AFF1: variants seen among roughly 807,000 people sequenced by gnomAD.
The protein encoded by AFF1 is AF4/FMR2 family member 1.
In AFF1, 48 loss-of-function variants were observed where a neutral mutation model predicts 121.7. The observed-to-expected ratio is 0.39, with a 90% CI of 0.31 to 0.50. The LOEUF is 0.50. Among genes scored for constraint, AFF1 ranks in the 20% least tolerant of loss-of-function variants. The pLI, the probability that AFF1 is intolerant of heterozygous loss-of-function variation, is 0.76. For synonymous variants in AFF1, 613 were observed against 563.0 expected (o/e 1.09, Z -1.26); for missense variants, 1,523 against 1,511.7 (o/e 1.01, Z -0.12).
chr4:87,015,219 C>G (rs1349034547), intron 2 of AFF1, among the ~76,000 whole-genome samples: 2 of 152,108 alleles, frequency 1.3e-5, no homozygotes, highest in Non-Finnish European at 2.9e-5. Context: ...TTTCCTGTTA[C>G]TCATTTACAG....
At chr4:86,962,540 T>G (rs1198224362) in intron 2 of AFF1, among the ~76,000 whole-genome samples, 1 of 152,196 alleles carries the variant, frequency 6.6e-6, no homozygotes, top group African/African-American at 2.4e-5. Context: ...AATTTGAACT[T>G]CATGATGTTC....
At chr4:86,949,177 TA>T (rs199528472) in intron 2 of AFF1, among the ~76,000 whole-genome samples, 325 of 102,932 alleles carry the variant, frequency 3.2e-3, no homozygotes, top group South Asian at 0.01. Context: ...TATATATATA[TA>T]TATTTTTTTT....
chr4:87,091,638 T>C (rs1280415797), intron 6 of AFF1, among the ~76,000 whole-genome samples, 155 bp from the exon 7 acceptor site: 1 of 152,234 alleles, frequency 6.6e-6, no homozygotes, highest in Non-Finnish European at 1.5e-5. Flanking sequence ...GAATCTGTGA[T>C]GGGTAGTATG....
chr4:86,951,232 A>G lies in AFF1; in HGVS notation c.38+2661A>G, dbSNP rs529879532. On this transcript the variant is annotated intron_variant, in intron 2 of 20. Transcript: ENST00000395146. ...AGGCTTTCTAATTCAGAACTTCCCA[A>G]TTGGTGTGCCATCAAATGCTTTTCA... Among the ~76,000 whole-genome samples the G allele has an allele frequency of 9.9e-5, 15 of 152,264 alleles. No individual in the cohort carries two copies. In the South Asian group the frequency reaches 2.7e-3, roughly 27 times the overall value.
chr4:86,953,633 T>C (rs1005357571), intron 2 of AFF1, among the ~76,000 whole-genome samples: 19 of 152,236 alleles, frequency 1.2e-4, no homozygotes, highest in African/African-American at 4.6e-4. Flanking sequence ...TCCCCCTTTT[T>C]AATAGTTCTT....
At chr4:87,077,145 G>A (rs1021960652) in intron 4 of AFF1, among the ~76,000 whole-genome samples, 2 of 152,182 alleles carry the variant, frequency 1.3e-5, no homozygotes, top group Non-Finnish European at 2.9e-5. Flanking sequence ...AAAGGAGAGC[G>A]AGAATAAAAA....
At chr4:87,077,014 C>G (rs1722736837) in intron 4 of AFF1, among the ~76,000 whole-genome samples, 1 of 152,194 alleles carries the variant, frequency 6.6e-6, no homozygotes, top group Non-Finnish European at 1.5e-5. Flanking sequence ...CATATAAATG[C>G]ATGTATTTAT....
intron 2 of AFF1, among the ~76,000 whole-genome samples, chr4:86,951,599 T>TTTA: frequency 7.1e-6 from 1 of 141,018 alleles, no homozygotes; most frequent in African/African-American, 2.7e-5. Flanking sequence ...GGAACTTTTT[T>TTTA]TTCTTTTTCT....
At chr4:86,990,726 G>A (rs1724634268) in intron 2 of AFF1, among the ~76,000 whole-genome samples, 1 of 152,206 alleles carries the variant, frequency 6.6e-6, no homozygotes, top group South Asian at 2.1e-4. Context: ...CAAATGGTGT[G>A]TTTCCCAGGA....
intron 4 of AFF1, among the ~76,000 whole-genome samples, chr4:87,051,920 G>A (rs978147310): frequency 5.3e-5 from 8 of 152,140 alleles, no homozygotes; most frequent in South Asian, 2.1e-4. Flanking sequence ...AATCATAGGC[G>A]TTGATAAGAG....
At chr4:87,133,481 C>G (rs936463819) in intron 19 of AFF1, among the ~76,000 whole-genome samples, 10 of 152,236 alleles carry the variant, frequency 6.6e-5, no homozygotes, top group African/African-American at 2.4e-4. Context: ...TTCGTATTAC[C>G]TCTGAAGATT....
rs1181256395 is a variant in AFF1 at position 86,951,620 on chromosome 4, TTTC to T, written c.38+3052_38+3054del. On this transcript the variant is annotated intron_variant, in intron 2 of 20. Coordinates refer to ENST00000395146, the MANE Select transcript of AFF1 (RefSeq NM_001166693.3). ...TTTTTTTCTTTTTCTTTTTTCTTTT[TTTC>T]TTTTTTTTTTTTTTTTTTGAGACGG... is the stretch of plus-strand genomic sequence containing the variant. 2.0e-3 allele frequency among the ~76,000 whole-genome samples: 66 copies of T among 32,684 alleles called. 1 individual carries two copies. The highest frequency in any genetic ancestry group is 3.4e-3 in the African/African-American group (63 of 18,522). The allele number at this position is 32,684 out of a possible 152,430, so 21.4% of individuals were successfully genotyped here. A position where few individuals can be genotyped will look rare whatever the true frequency, so the allele number is the denominator to read the frequency against.
intron 4 of AFF1, among the ~76,000 whole-genome samples, chr4:87,064,525 C>T (rs918070779): frequency 2.0e-5 from 3 of 152,128 alleles, no homozygotes; most frequent in Non-Finnish European, 2.9e-5. Flanking sequence ...GAGGATTCCT[C>T]GAGCCCAGGA....
At chr4:87,096,637 C>G (rs1234801427) in intron 8 of AFF1, among the ~76,000 whole-genome samples, 5 of 152,032 alleles carry the variant, frequency 3.3e-5, no homozygotes, top group Non-Finnish European at 7.4e-5. Flanking sequence ...CAGCCTCAAA[C>G]TTCTGGGCTC....
intron 1 of AFF1, chr4:86,936,028 C>T (rs1719956898): frequency 6.6e-6 from 1 of 152,076 alleles, no homozygotes; most frequent in South Asian, 2.1e-4. Flanking sequence ...CTGCGACGGG[C>T]CTGCGGGCGG....
Position 87,127,680 on chromosome 4 carries a change from A to G in AFF1, c.2941A>G (p.Met981Val). 3 of 1,614,200 alleles carry G rather than the reference A, an allele frequency of 1.9e-6. No individual in the cohort carries two copies. Among genetic ancestry groups the G allele is most frequent in the Non-Finnish European group, 2.5e-6 (3 of 1,180,046 alleles). ...CCTTCACATGAGGGAGGCAAAAAAG[A>G]TGAAGCAGAAAGCAGAGTTAATGGT... ...ADLHMREAKK[M>V]KQKAELMTDR... Residue 981 changes from methionine (M) to valine (V), a missense_variant, in exon 16 of 21, where the codon ATG (methionine) becomes GTG (valine). Around this residue, in one of 5 missense-constraint regions of AFF1, gnomAD observed 905 missense variants for 842.5 expected, o/e 1.07. Transcript: ENST00000395146.
chr4:86,944,936 CAT>C (rs904933321), intron 1 of AFF1, among the ~76,000 whole-genome samples: 32 of 152,184 alleles, frequency 2.1e-4, no homozygotes, highest in Admixed American at 3.3e-4. Context: ...GTTTGATACA[CAT>C]GACATTTTAA....
intron 2 of AFF1, among the ~76,000 whole-genome samples, chr4:87,013,153 G>T (rs961501215): frequency 6.8e-6 from 1 of 148,016 alleles, no homozygotes; most frequent in Admixed American, 6.9e-5. Flanking sequence ...AAGCCATTCT[G>T]CCTCAGCCTC....
intron 4 of AFF1, among the ~76,000 whole-genome samples, chr4:87,056,068 T>G (rs1458682763): frequency 6.6e-6 from 1 of 152,182 alleles, no homozygotes; most frequent in Non-Finnish European, 1.5e-5. Context: ...TATTTAAATT[T>G]GGCCTACTTT....
Sources: allele counts gnomAD v4.1 joint callset (sites outside exome capture counted in the v4.1 genomes callset), GRCh38; gene constraint gnomAD v4.1.1; regional missense constraint gnomAD v4.1.1; transcripts MANE v1.5; gene names NCBI Gene and HGNC (gene_info 2026-07-23, HGNC 2026-07-21).